CTBP1: variants seen among roughly 807,000 people sequenced by gnomAD.
CTBP1 encodes the protein C-terminal-binding protein 1.
In CTBP1, 11 loss-of-function variants were observed where a neutral mutation model predicts 42.1. The observed-to-expected ratio is 0.26, with a 90% confidence interval of 0.16 to 0.43. The LOEUF (loss-of-function observed/expected upper bound fraction) is 0.43. CTBP1 is among the 20% of genes least tolerant of loss of function. CTBP1 has a pLI of 1.00. For missense variants in CTBP1, 399 were observed against 624.3 expected (o/e 0.64, Z 3.85); for synonymous variants, 324 against 277.1 (o/e 1.17, Z -1.68).
intron 6 of CTBP1, among the ~76,000 whole-genome samples, chr4:1,215,328 C>G (rs746346769): frequency 2.0e-5 from 3 of 152,280 alleles, no homozygotes; most frequent in Admixed American, 6.5e-5. Context: ...CACACATGCA[C>G]ATACATACAA....
chr4:1,214,780 G>A (rs762880634), intron 6 of CTBP1, among the ~76,000 whole-genome samples: 40 of 152,204 alleles, frequency 2.6e-4, no homozygotes, highest in Admixed American at 1.1e-3. Context: ...TCCCCCTGTG[G>A]TACCCCTTTT....
intron 3 of CTBP1, chr4:1,237,797 TG>T: frequency 1.5e-6 from 1 of 684,948 alleles, no homozygotes; most frequent in Middle Eastern, 2.4e-4. Context: ...CACCTCCTGA[TG>T]GGGCACAGGG....
intron 3 of CTBP1, 91 bp from the exon 4 acceptor site, chr4:1,228,434 G>A: frequency 6.7e-7 from 1 of 1,488,214 alleles, no homozygotes; most frequent in Non-Finnish European, 9.1e-7. Flanking sequence ...TGGGAAATTA[G>A]CCTGTGGCCC....
At chr4:1,222,368 G>A (rs999836560) in intron 5 of CTBP1, among the ~76,000 whole-genome samples, 3 of 152,128 alleles carry the variant, frequency 2.0e-5, no homozygotes, top group Non-Finnish European at 2.9e-5. Flanking sequence ...CCGAGGGAGC[G>A]CTGACCTGGC....
intron 1 of CTBP1, chr4:1,242,785 C>G (rs748244908): frequency 1.0e-6 from 1 of 985,264 alleles, no homozygotes; most frequent in Non-Finnish European, 1.2e-6. Flanking sequence ...CCATGGTACC[C>G]GGATACCACA....
intron 3 of CTBP1, among the ~76,000 whole-genome samples, 186 bp from the exon 4 acceptor site, chr4:1,228,529 G>A (rs948655935): frequency 6.6e-6 from 1 of 152,236 alleles, no homozygotes; most frequent in East Asian, 1.9e-4. Context: ...CTCAACCTCT[G>A]CCCAGGCGTC....
At chr4:1,225,599 G>C in intron 4 of CTBP1, 33 bp from the exon 5 acceptor site, 1 of 1,526,660 alleles carries the variant, frequency 6.6e-7, no homozygotes, top group Non-Finnish European at 8.8e-7. Context: ...GTCACCCCCG[G>C]GCCGGGCCCA....
chr4:1,228,849 G>A (rs149799420), intron 3 of CTBP1, among the ~76,000 whole-genome samples: 144 of 152,330 alleles, frequency 9.5e-4, no homozygotes, highest in Middle Eastern at 3.4e-3. Context: ...ACACAAGCAC[G>A]TCGGCGGAGG....
chr4:1,223,434 G>A (rs774121372), intron 5 of CTBP1: 105 of 454,590 alleles, frequency 2.3e-4, no homozygotes, highest in Middle Eastern at 2.3e-3. Flanking sequence ...AGGTGTGGCC[G>A]CCTCACCGAG....
At chr4:1,226,367 G>A (rs1014277054) in intron 4 of CTBP1, among the ~76,000 whole-genome samples, 5 of 152,176 alleles carry the variant, frequency 3.3e-5, no homozygotes, top group African/African-American at 1.2e-4. Flanking sequence ...GGGGGCAGGA[G>A]GCCAGGACAG....
Position 1,238,395 on chromosome 4 carries a change from C to T in CTBP1, c.8-58G>A, listed in dbSNP as rs538970916. 1.3e-5 allele frequency: 19 copies of T among 1,500,926 alleles called. 2 individuals are homozygous for T. The African/African-American group carries it at 1.8e-4, about 14-fold the overall frequency. 93.0% of individuals were successfully genotyped at this position (1,500,926 alleles called of 1,614,324 possible). ...CCACTGCGGCCCCGTGGCTACAACC[C>T]ACTCCACGCCACCCACTGTGCACGG... On this transcript the variant is annotated intron_variant, in intron 2 of 9. Transcript: ENST00000382952. The surrounding 1 kb of genome is among the most constrained non-coding windows in gnomAD (Gnocchi z 5.9).
intron 1 of CTBP1, among the ~76,000 whole-genome samples, chr4:1,246,684 G>A (rs1392535799): frequency 1.3e-5 from 2 of 152,206 alleles, no homozygotes; most frequent in Non-Finnish European, 1.5e-5. Flanking sequence ...GAGGGCAAGT[G>A]ACAGTCAGAG....
At chr4:1,220,288 C>T (rs1393256698) in intron 5 of CTBP1, among the ~76,000 whole-genome samples, 1 of 147,116 alleles carries the variant, frequency 6.8e-6, no homozygotes, top group Admixed American at 6.7e-5. Context: ...AAGACTGTCT[C>T]CAAAAAAAAA....
intron 5 of CTBP1, among the ~76,000 whole-genome samples, chr4:1,219,773 C>T (rs75253277): frequency 0.012 from 1,811 of 152,338 alleles, 8 homozygotes; most frequent in Non-Finnish European, 0.018. Flanking sequence ...GGTGATCCTC[C>T]GGCCTCGGCC....
intron 9 of CTBP1, 185 bp from the exon 10 acceptor site, chr4:1,212,608 G>T (rs1043943094): frequency 2.7e-5 from 17 of 633,712 alleles, no homozygotes; most frequent in Non-Finnish European, 4.5e-5. Context: ...GGGGAGGGGA[G>T]CCCTGGTGTC....
At chr4:1,248,426 C>T (rs79686408) in intron 1 of CTBP1, among the ~76,000 whole-genome samples, 62,419 of 150,250 alleles carry the variant, frequency 0.42, 13,330 homozygotes, top group Non-Finnish European at 0.47. Context: ...GGCCTCCCCG[C>T]GGGAGGCGCG....
At chr4:1,237,778 C>T (rs1024409758) in intron 3 of CTBP1, 10 of 692,522 alleles carry the variant, frequency 1.4e-5, no homozygotes, top group Non-Finnish European at 2.4e-5. Flanking sequence ...TCAGGACAAA[C>T]CCCGTGTCCA....
intron 4 of CTBP1, among the ~76,000 whole-genome samples, chr4:1,227,273 G>T (rs904810532): frequency 3.3e-5 from 5 of 152,054 alleles, no homozygotes; most frequent in Non-Finnish European, 7.4e-5. Flanking sequence ...CATGTGCTGA[G>T]TGCGTGTGCA....
intron 8 of CTBP1, 87 bp downstream of exon 8, chr4:1,213,391 C>T: frequency 6.3e-7 from 1 of 1,581,404 alleles, no homozygotes; most frequent in Non-Finnish European, 8.6e-7. Context: ...GAACATGGGC[C>T]TGGCTGCCAG....
Sources: allele counts gnomAD v4.1 joint callset (sites outside exome capture counted in the v4.1 genomes callset), GRCh38; gene constraint gnomAD v4.1.1; non-coding constraint Gnocchi (gnomAD v3.1); transcripts MANE v1.5; gene names NCBI Gene and HGNC (gene_info 2026-07-23, HGNC 2026-07-21).